DOCK4: variants seen among roughly 807,000 people sequenced by gnomAD.
DOCK4 encodes the protein dedicator of cytokinesis 4.
A neutral mutation model predicts 268.1 loss-of-function variants in DOCK4; 97 were observed. The ratio of observed to expected loss-of-function variants is 0.36; its 90% confidence interval spans 0.31 to 0.43. The LOEUF (loss-of-function observed/expected upper bound fraction) is 0.43, where lower values mean the gene tolerates loss of function less well. Among genes scored for constraint, DOCK4 ranks in the 20% least tolerant of loss-of-function variants. DOCK4 has a pLI of 1.00. For synonymous variants in DOCK4, 954 were observed against 887.2 expected, an observed-to-expected ratio of 1.08 and a Z score of -1.34; for missense variants, 2,145 against 2,455.7, an observed-to-expected ratio of 0.87 and a Z score of 2.67.
At chr7:111,883,964 A>C (rs1427222551) in intron 16 of DOCK4, among the ~76,000 whole-genome samples, 2 of 152,188 alleles carry the variant, frequency 1.3e-5, no homozygotes, top group Non-Finnish European at 2.9e-5. Flanking sequence ...TGGGGGTAGC[A>C]GGAGAGAATT....
chr7:111,794,932 G>A (rs551325715), intron 30 of DOCK4, among the ~76,000 whole-genome samples: 1 of 152,328 alleles, frequency 6.6e-6, no homozygotes, highest in African/African-American at 2.4e-5. Context: ...GACAAGGTGA[G>A]CTGGCAAGGA....
intron 11 of DOCK4, among the ~76,000 whole-genome samples, chr7:111,936,155 T>A (rs1794721516): frequency 6.6e-6 from 1 of 152,196 alleles, no homozygotes; most frequent in Non-Finnish European, 1.5e-5. Flanking sequence ...ATGACCAGGT[T>A]TGTCCAGAAT....
intron 30 of DOCK4, among the ~76,000 whole-genome samples, chr7:111,806,901 A>G (rs1800716360): frequency 6.6e-6 from 1 of 152,246 alleles, no homozygotes; most frequent in South Asian, 2.1e-4. Context: ...AATTTAACAT[A>G]AAAACCAGAG....
chr7:112,151,736 G>A (rs1816098324), intron 1 of DOCK4, among the ~76,000 whole-genome samples: 1 of 148,018 alleles, frequency 6.8e-6, no homozygotes. Context: ...CAATAATGAG[G>A]AAAGTTCAGC....
chr7:111,951,885 G>A (rs902368670), intron 8 of DOCK4, among the ~76,000 whole-genome samples: 1 of 151,520 alleles, frequency 6.6e-6, no homozygotes, highest in Non-Finnish European at 1.5e-5. Flanking sequence ...AGAAAGAAAT[G>A]GACAAAGAAG....
intron 1 of DOCK4, among the ~76,000 whole-genome samples, chr7:112,194,087 A>G (rs759092528): frequency 2.0e-5 from 3 of 152,180 alleles, no homozygotes; most frequent in Non-Finnish European, 4.4e-5. Context: ...TAGGGCTTCA[A>G]CATATGAATT....
chr7:111,906,517 T>A (rs1352392110), intron 13 of DOCK4, among the ~76,000 whole-genome samples: 1 of 152,118 alleles, frequency 6.6e-6, no homozygotes, highest in African/African-American at 2.4e-5. Flanking sequence ...ATGCATGCAC[T>A]AGACACATGG....
chr7:111,797,899 A>C (rs1001160203), intron 30 of DOCK4, among the ~76,000 whole-genome samples: 21 of 152,200 alleles, frequency 1.4e-4, no homozygotes, highest in African/African-American at 5.1e-4. Context: ...GGCAGCTCCC[A>C]ATATTAAAAG....
chr7:112,019,844 G>A (rs1223930861), intron 1 of DOCK4, among the ~76,000 whole-genome samples: 2 of 151,934 alleles, frequency 1.3e-5, no homozygotes, highest in African/African-American at 4.8e-5. Context: ...GCCTACTAGG[G>A]GATGAAGTCT....
chr7:111,873,452 C>T (rs1419074450), intron 17 of DOCK4, among the ~76,000 whole-genome samples: 1 of 152,168 alleles, frequency 6.6e-6, no homozygotes, highest in African/African-American at 2.4e-5. Context: ...GGCAGCGGGA[C>T]CTGGTAGAAC....
At chr7:111,743,744 G>A (rs1275648138) in intron 44 of DOCK4, among the ~76,000 whole-genome samples, 1 of 152,182 alleles carries the variant, frequency 6.6e-6, no homozygotes, top group Non-Finnish European at 1.5e-5. Flanking sequence ...GACAAGAAAA[G>A]AAGTTGAGCT....
At chr7:111,963,053 G>C (rs541981556) in intron 8 of DOCK4, among the ~76,000 whole-genome samples, 2 of 152,170 alleles carry the variant, frequency 1.3e-5, no homozygotes, top group South Asian at 2.1e-4. Flanking sequence ...TACGTTAATA[G>C]ATTAGTCCCA....
intron 1 of DOCK4, among the ~76,000 whole-genome samples, chr7:112,074,727 C>G (rs147810213): frequency 3.3e-5 from 5 of 152,298 alleles, no homozygotes; most frequent in Non-Finnish European, 7.3e-5. Context: ...ACTTGCAAAA[C>G]CAGCCTCATC....
chr7:112,085,899 A>G (rs1809040120), intron 1 of DOCK4, among the ~76,000 whole-genome samples: 1 of 152,158 alleles, frequency 6.6e-6, no homozygotes, highest in South Asian at 2.1e-4. Flanking sequence ...AAAAAAGCAA[A>G]TAAACAGACC....
In DOCK4 at chr7:112,148,273, C is replaced by T. The variant is rs377261380; in HGVS notation, c.37+57829G>A. Among the ~76,000 whole-genome samples the T allele has an allele frequency of 9.9e-5, 15 of 152,232 alleles. No individual in the cohort carries two copies. The East Asian group carries it at 2.9e-3, about 29-fold the overall frequency. ...TGGGCCTTTCAAAGCCACATCTCAG[C>T]TCTCCAGAGTGCTGGCAGAGGGACA... On this transcript the variant is annotated intron_variant, in intron 1 of 52. Transcript: ENST00000428084.
chr7:111,934,523 G>GTTTTTGTTTTTTTTTTTTTTTTTTTT (rs1562907282), intron 12 of DOCK4, among the ~76,000 whole-genome samples: 1 of 83,874 alleles, frequency 1.2e-5, no homozygotes, highest in Non-Finnish European at 2.7e-5. Flanking sequence ...TTTTGTTTTT[G>GTTTTTGTTTTTTTTTTTTTTTTTTTT]TTTTTTTTTT....
At chr7:112,144,103 A>T (rs1330861965) in intron 1 of DOCK4, among the ~76,000 whole-genome samples, 1 of 152,128 alleles carries the variant, frequency 6.6e-6, no homozygotes, top group Admixed American at 6.6e-5. Flanking sequence ...GGCATTCTTC[A>T]GTTTCTAAGA....
At chr7:111,979,727 C>A (rs986801693) in intron 7 of DOCK4, among the ~76,000 whole-genome samples, 1 of 152,116 alleles carries the variant, frequency 6.6e-6, no homozygotes, top group African/African-American at 2.4e-5. Flanking sequence ...AAAGAATAGG[C>A]CTTAAGGAGA....
intron 51 of DOCK4, among the ~76,000 whole-genome samples, chr7:111,734,630 C>T (rs143290584): frequency 6.6e-5 from 10 of 152,258 alleles, no homozygotes; most frequent in South Asian, 4.1e-4. Context: ...GCTTATGGAG[C>T]GTAACTGTTA....
Sources: gnomAD v4.1 joint callset for allele counts (sites outside exome capture counted in the v4.1 genomes callset) on GRCh38, gnomAD v4.1.1 for gene constraint, MANE v1.5 for transcripts, NCBI Gene and HGNC (gene_info 2026-07-23, HGNC 2026-07-21) for gene names.